Variants in CADM2 observed in about 807,000 individuals in gnomAD.
The protein encoded by CADM2 is cell adhesion molecule 2.
CADM2 carries 12 observed loss-of-function variants against 49.8 expected under a neutral mutation model. The observed-to-expected ratio is 0.24, with a 90% CI of 0.15 to 0.39. The LOEUF is 0.39. CADM2 is among the 10% of genes least tolerant of loss of function. CADM2 has a pLI of 1.00. For synonymous variants in CADM2, 214 were observed against 175.4 expected (o/e 1.22, Z -1.74); for missense variants, 378 against 492.3 (o/e 0.77, Z 2.20).
At chr3:85,036,024 G>T (rs919347284) in intron 1 of CADM2, among the ~76,000 whole-genome samples, 1 of 152,150 alleles carries the variant, frequency 6.6e-6, no homozygotes, top group South Asian at 2.1e-4. Context: ...TAGCATTAAT[G>T]ACTATGTATC....
intron 1 of CADM2, among the ~76,000 whole-genome samples, chr3:85,474,543 G>T (rs2038901350): frequency 6.6e-6 from 1 of 151,880 alleles, no homozygotes; most frequent in African/African-American, 2.4e-5. Context: ...GTGCAGCCAA[G>T]TTGACACATA....
chr3:85,579,929 G>A (rs2062746848), intron 1 of CADM2, among the ~76,000 whole-genome samples: 1 of 152,142 alleles, frequency 6.6e-6, no homozygotes, highest in Non-Finnish European at 1.5e-5. Context: ...TGCAGAAAAT[G>A]TATATGTTTA....
chr3:85,551,317 T>A (rs2061797261), intron 1 of CADM2, among the ~76,000 whole-genome samples: 2 of 152,172 alleles, frequency 1.3e-5, no homozygotes, highest in African/African-American at 4.8e-5. Flanking sequence ...TCAGCAATTC[T>A]GTGATAAGCA....
At chr3:85,780,572 T>C (rs2070584128) in intron 2 of CADM2, among the ~76,000 whole-genome samples, 1 of 152,224 alleles carries the variant, frequency 6.6e-6, no homozygotes. Flanking sequence ...CTTCATTTGA[T>C]CACTTCCCAA....
chr3:85,893,691 T>C (rs534163395), intron 5 of CADM2, among the ~76,000 whole-genome samples: 62 of 152,228 alleles, frequency 4.1e-4, no homozygotes, highest in Admixed American at 2.2e-3. Flanking sequence ...GTGAAGGATA[T>C]GAACAGACAC....
At chr3:85,050,712 C>A (rs1464771300) in intron 1 of CADM2, among the ~76,000 whole-genome samples, 1 of 152,092 alleles carries the variant, frequency 6.6e-6, no homozygotes, top group Non-Finnish European at 1.5e-5. Context: ...AAATTTGCCA[C>A]AAGCGATATC....
intron 1 of CADM2, among the ~76,000 whole-genome samples, chr3:85,478,409 C>G (rs2039071135): frequency 6.6e-6 from 1 of 151,832 alleles, no homozygotes; most frequent in Non-Finnish European, 1.5e-5. Context: ...AGTAATCTGT[C>G]TCTATAGTGT....
chr3:85,562,775 C>T (rs940692894), intron 1 of CADM2, among the ~76,000 whole-genome samples: 3 of 152,096 alleles, frequency 2.0e-5, no homozygotes, highest in Non-Finnish European at 4.4e-5. Flanking sequence ...ACTGCATAAT[C>T]CTTGCCTTAT....
At chr3:85,597,260 A>G (rs777614609) in intron 1 of CADM2, among the ~76,000 whole-genome samples, 1 of 152,024 alleles carries the variant, frequency 6.6e-6, no homozygotes, top group Non-Finnish European at 1.5e-5. Context: ...TCTCAAATCT[A>G]TATGGTACTT....
chr3:85,656,874 G>A (rs1381614043), intron 1 of CADM2, among the ~76,000 whole-genome samples: 2 of 152,010 alleles, frequency 1.3e-5, no homozygotes, highest in Non-Finnish European at 2.9e-5. Context: ...AATTCAAACT[G>A]AGCACATAAG....
chr3:85,086,513 T>C (rs1006516970), intron 1 of CADM2, among the ~76,000 whole-genome samples: 1 of 147,512 alleles, frequency 6.8e-6, no homozygotes. Flanking sequence ...AATAAACTTT[T>C]TTTTTTTTTT....
chr3:85,777,356 A>G (rs1477798703), intron 2 of CADM2, among the ~76,000 whole-genome samples: 3 of 151,968 alleles, frequency 2.0e-5, no homozygotes, highest in Non-Finnish European at 2.9e-5. Flanking sequence ...CCCGGGTTCA[A>G]GCAATTCTCT....
chr3:86,041,255 C>G (rs1448181892), intron 8 of CADM2, among the ~76,000 whole-genome samples: 1 of 152,134 alleles, frequency 6.6e-6, no homozygotes, highest in East Asian at 1.9e-4. Flanking sequence ...TGTAAATGGA[C>G]TAAATGCTCC....
intron 5 of CADM2, among the ~76,000 whole-genome samples, chr3:85,896,510 G>A (rs1715233473): frequency 6.6e-6 from 1 of 152,116 alleles, no homozygotes; most frequent in Non-Finnish European, 1.5e-5. Context: ...CTCCACATGC[G>A]TTCCCTGCCC....
intron 1 of CADM2, among the ~76,000 whole-genome samples, chr3:84,985,625 A>G (rs2032508208): frequency 6.6e-6 from 1 of 152,184 alleles, no homozygotes; most frequent in Admixed American, 6.5e-5. Flanking sequence ...ATGATTACAC[A>G]TACCCCATTT....
chr3:85,806,728 C>G (rs2072449665), intron 3 of CADM2, among the ~76,000 whole-genome samples: 1 of 152,002 alleles, frequency 6.6e-6, no homozygotes, highest in South Asian at 2.1e-4. Context: ...GAGTGAGGCT[C>G]TGTCTCAAAA....
intron 1 of CADM2, among the ~76,000 whole-genome samples, chr3:85,536,616 CTTA>C (rs1371975365): frequency 6.6e-6 from 1 of 152,052 alleles, no homozygotes; most frequent in Non-Finnish European, 1.5e-5. Context: ...CACTGGATTA[CTTA>C]ACAAGGAGGC....
chr3:84,962,564 T>G (rs1354930451), intron 1 of CADM2, among the ~76,000 whole-genome samples: 1 of 152,174 alleles, frequency 6.6e-6, no homozygotes, highest in Non-Finnish European at 1.5e-5. Context: ...GATTAAATAC[T>G]TAGCGGGTCT....
At chr3:85,451,753 T>C (rs2037757363) in intron 1 of CADM2, among the ~76,000 whole-genome samples, 1 of 152,146 alleles carries the variant, frequency 6.6e-6, no homozygotes, top group Non-Finnish European at 1.5e-5. Context: ...TTTAAATTAT[T>C]ACCTAACAGT....
Sources: gnomAD v4.1 joint callset for allele counts (sites outside exome capture counted in the v4.1 genomes callset) on GRCh38, gnomAD v4.1.1 for gene constraint, MANE v1.5 for transcripts, NCBI Gene and HGNC (gene_info 2026-07-23, HGNC 2026-07-21) for gene names.